ZNF644: variants seen among roughly 807,000 people sequenced by gnomAD.
ZNF644 encodes the protein zinc finger motif enhancer binding protein 2.
A neutral mutation model predicts 108.0 loss-of-function variants in ZNF644; 20 were observed. The ratio of observed to expected loss-of-function variants is 0.19; its 90% CI spans 0.13 to 0.27. ZNF644 has a LOEUF of 0.27. ZNF644 is among the 10% of genes least tolerant of loss of function. ZNF644 has a pLI of 1.00. For missense variants in ZNF644, 1,338 were observed against 1,548.9 expected (o/e 0.86, Z 2.29); for synonymous variants, 542 against 539.1 (o/e 1.01, Z -0.08).
At chr1:90,970,552 A>G (rs537412095) in intron 2 of ZNF644, among the ~76,000 whole-genome samples, 13 of 152,124 alleles carry the variant, frequency 8.5e-5, no homozygotes, top group Non-Finnish European at 1.5e-4. Context: ...AAAACTACTA[A>G]TGTTCAGTCC....
At chr1:90,937,389 A>G (rs1651437360) in intron 4 of ZNF644, 96 bp downstream of exon 4, 1 of 1,558,108 alleles carries the variant, frequency 6.4e-7, no homozygotes, top group Non-Finnish European at 8.8e-7. Flanking sequence ...AAACAGGAAG[A>G]TTGTGAGAAA....
chr1:90,924,672 T>C (rs1557545598), intron 4 of ZNF644, among the ~76,000 whole-genome samples: 2 of 152,182 alleles, frequency 1.3e-5, no homozygotes, highest in Admixed American at 6.5e-5. Context: ...GATTTGGCTT[T>C]TTATAGTTCT....
intron 1 of ZNF644, among the ~76,000 whole-genome samples, chr1:91,016,583 T>G (rs1417931424): frequency 6.6e-6 from 1 of 152,224 alleles, no homozygotes; most frequent in African/African-American, 2.4e-5. Context: ...GTAAATGCAG[T>G]CCACTATTGA....
At chr1:90,974,395 A>G (rs931182357) in intron 2 of ZNF644, among the ~76,000 whole-genome samples, 1 of 152,100 alleles carries the variant, frequency 6.6e-6, no homozygotes, top group African/African-American at 2.4e-5. Context: ...CGAGTTATAG[A>G]TAGGTCTCAT....
At position 90,941,298 on chromosome 1, in the gene ZNF644, A is replaced by AACAC; in HGVS notation, c.52_55dup (p.Leu19CysfsTer11). ...ATCCATATTGTTGGCAAGCCCATTT[A>AACAC]ACACATTTAGTCTAGAAAATGGAAA... On this transcript the variant is annotated frameshift_variant, in exon 3 of 6. Coordinates refer to ENST00000337393, the MANE Select transcript of ZNF644 (RefSeq NM_201269.3). LOFTEE classifies it high-confidence loss of function. The AACAC allele has an allele frequency of 6.2e-7, 1 of 1,600,260 alleles. No homozygotes were observed. Among genetic ancestry groups the AACAC allele is most frequent in the Non-Finnish European group, 8.5e-7 (1 of 1,176,722 alleles).
At chr1:90,972,242 TC>T (rs1392573164) in intron 2 of ZNF644, among the ~76,000 whole-genome samples, 1 of 152,160 alleles carries the variant, frequency 6.6e-6, no homozygotes, top group East Asian at 1.9e-4. Flanking sequence ...AATCATGTTA[TC>T]TAACAAGGGA....
chr1:91,015,237 G>T (rs1045314471), intron 1 of ZNF644, among the ~76,000 whole-genome samples: 2 of 152,176 alleles, frequency 1.3e-5, no homozygotes, highest in Middle Eastern at 3.4e-3. Flanking sequence ...GGAGGTTGGT[G>T]GTAGAAAGAA....
At chr1:90,930,843 G>A (rs919730146) in intron 4 of ZNF644, among the ~76,000 whole-genome samples, 7 of 152,118 alleles carry the variant, frequency 4.6e-5, no homozygotes, top group Non-Finnish European at 8.8e-5. Flanking sequence ...AAAGCATTGT[G>A]GCATTCATCT....
intron 4 of ZNF644, 49 bp downstream of exon 4, chr1:90,937,435 AT>A: frequency 6.2e-7 from 1 of 1,611,902 alleles, no homozygotes; most frequent in Non-Finnish European, 8.5e-7. Context: ...AGAAGGCATA[AT>A]TGAACTGCAT....
chr1:90,949,672 C>T (rs1415637974), intron 2 of ZNF644, among the ~76,000 whole-genome samples: 1 of 152,008 alleles, frequency 6.6e-6, no homozygotes, highest in Non-Finnish European at 1.5e-5. Context: ...GGCATTTACA[C>T]TGTAGTAGGT....
chr1:91,006,549 T>G (rs1570568670), intron 1 of ZNF644, among the ~76,000 whole-genome samples: 1 of 152,168 alleles, frequency 6.6e-6, no homozygotes, highest in Non-Finnish European at 1.5e-5. Flanking sequence ...AGGCCAATAT[T>G]GCCCTCATAC....
intron 2 of ZNF644, among the ~76,000 whole-genome samples, chr1:90,942,100 A>G (rs2100979362): frequency 6.6e-6 from 1 of 152,238 alleles, no homozygotes; most frequent in South Asian, 2.1e-4. Flanking sequence ...GTTTATGTCA[A>G]ACTTTCATAT....
intron 1 of ZNF644, among the ~76,000 whole-genome samples, chr1:91,012,568 T>C (rs1304916267): frequency 1.3e-5 from 2 of 152,202 alleles, no homozygotes; most frequent in Admixed American, 6.5e-5. Flanking sequence ...TGGTTACTTC[T>C]GTAGGGAGAA....
chr1:90,958,165 G>A (rs1332687544), intron 2 of ZNF644, among the ~76,000 whole-genome samples: 1 of 148,586 alleles, frequency 6.7e-6, no homozygotes, highest in East Asian at 2.0e-4. Context: ...CTACTCAGGA[G>A]GCTGAGGTTG....
At chr1:90,982,703 C>T (rs1298733859) in intron 1 of ZNF644, among the ~76,000 whole-genome samples, 1 of 151,926 alleles carries the variant, frequency 6.6e-6, no homozygotes, top group Non-Finnish European at 1.5e-5. Context: ...TACTAAAACA[C>T]ACATCTTTCT....
At chr1:90,951,904 A>G (rs981935600) in intron 2 of ZNF644, among the ~76,000 whole-genome samples, 4 of 152,168 alleles carry the variant, frequency 2.6e-5, no homozygotes, top group Non-Finnish European at 5.9e-5. Context: ...GAACCAAATA[A>G]AAGGTTTGAG....
intron 1 of ZNF644, among the ~76,000 whole-genome samples, chr1:91,006,795 C>G (rs1033271292): frequency 1.7e-5 from 2 of 117,340 alleles, no homozygotes; most frequent in African/African-American, 6.1e-5. Context: ...CTTTCTGGAT[C>G]CCCCCTCTTT....
rs1463519235 is a variant in ZNF644 at position 90,941,203 on chromosome 1, C to T, written c.151G>A (p.Asp51Asn). The change falls in exon 3 of 6, where the codon GAC (aspartate) becomes AAC (asparagine). Residue 51 changes from aspartate (D) to asparagine (N), a missense_variant. Asp to Asn is a conservative substitution (Grantham distance 23). Around this residue, in one of 6 missense-constraint regions of ZNF644, gnomAD observed 464 missense variants for 457.9 expected, o/e 1.01. Coordinates refer to ENST00000337393, the MANE Select transcript of ZNF644 (RefSeq NM_201269.3). ...GGCTTATGAACTCCGCTCTCTTTGT[C>T]TGAGATAAAATTGTTGTCATCTAGG... ...ELLDDNNFIS[D>N]KESGVHKPKD... 4.4e-6 allele frequency: 7 copies of T among 1,607,308 alleles called. No individual in the cohort carries two copies. Among genetic ancestry groups the T allele is most frequent in the Non-Finnish European group, 5.9e-6 (7 of 1,177,784 alleles).
chr1:90,918,638 G>GT (rs1339438177), intron 4 of ZNF644, among the ~76,000 whole-genome samples: 2 of 151,980 alleles, frequency 1.3e-5, no homozygotes, highest in African/African-American at 4.8e-5. Context: ...GGAAAACTTC[G>GT]TAAGGGAATA....
Sources: allele counts gnomAD v4.1 joint callset (sites outside exome capture counted in the v4.1 genomes callset), GRCh38; gene constraint gnomAD v4.1.1; regional missense constraint gnomAD v4.1.1; transcripts MANE v1.5; gene names NCBI Gene and HGNC (gene_info 2026-07-23, HGNC 2026-07-21).